FUT8: variants seen among roughly 807,000 people sequenced by gnomAD.
FUT8 encodes alpha-(1,6)-fucosyltransferase.
A neutral mutation model predicts 71.3 loss-of-function variants in FUT8; 29 were observed. The ratio of observed to expected loss-of-function variants is 0.41; its 90% CI spans 0.30 to 0.55. The LOEUF is 0.55. FUT8 is among the 20% of genes least tolerant of loss of function. The pLI, the probability that FUT8 is intolerant of heterozygous loss-of-function variation, is 0.34. For synonymous variants in FUT8, 254 were observed against 239.3 expected, an observed-to-expected ratio of 1.06 and a Z score of -0.57; for missense variants, 544 against 702.1, an observed-to-expected ratio of 0.77 and a Z score of 2.55.
rs1194050933 is a variant in FUT8, at chr14:65,652,420, T to C, written c.598-16823T>C. 8.5e-5 allele frequency among the ~76,000 whole-genome samples: 13 copies of C among 152,226 alleles called. No homozygotes were observed. The highest frequency in any genetic ancestry group is 8.5e-4 in the Admixed American group (13 of 15,286). On this transcript the variant is annotated intron_variant, in intron 6 of 10. Coordinates refer to ENST00000673929, the MANE Select transcript of FUT8 (RefSeq NM_001371533.1). This position sits in a 1 kb window ranked among gnomAD's most constrained non-coding sequence, Gnocchi z 4.0. ...GGAGAGCACATAAGAAAAAAACTTT[T>C]AGTGTACTTCTTCTTCTGGCCTTTG... is the stretch of plus-strand genomic sequence containing the variant.
At chr14:65,473,868 T>A (rs1272137900) in intron 2 of FUT8, among the ~76,000 whole-genome samples, 1 of 152,212 alleles carries the variant, frequency 6.6e-6, no homozygotes, top group Non-Finnish European at 1.5e-5. Context: ...ATTTGATGAT[T>A]CTGACCCTAC....
intron 5 of FUT8, 50 bp from the exon 6 acceptor site, chr14:65,629,442 A>T: frequency 8.7e-7 from 1 of 1,147,012 alleles, no homozygotes; most frequent in Non-Finnish European, 1.3e-6. Flanking sequence ...TGTGTAATCC[A>T]GTGAAGCAGT....
At chr14:65,471,775 C>T (rs1224734162) in intron 2 of FUT8, among the ~76,000 whole-genome samples, 1 of 150,604 alleles carries the variant, frequency 6.6e-6, no homozygotes, top group Non-Finnish European at 1.5e-5. Context: ...TTTTTCTTGT[C>T]GTGAGGTTGG....
At chr14:65,416,681 C>T (rs775247886) in intron 1 of FUT8, among the ~76,000 whole-genome samples, 4 of 151,208 alleles carry the variant, frequency 2.6e-5, no homozygotes, top group African/African-American at 7.3e-5. Context: ...AAGATATTTA[C>T]GACTGATTTT....
At chr14:65,719,456 G>T (rs1398614238) in intron 7 of FUT8, among the ~76,000 whole-genome samples, 3 of 151,960 alleles carry the variant, frequency 2.0e-5, no homozygotes, top group Non-Finnish European at 4.4e-5. Context: ...TTGGTCCCTG[G>T]TGCCTTATTT....
intron 3 of FUT8, among the ~76,000 whole-genome samples, chr14:65,597,382 A>G (rs1888036596): frequency 6.6e-6 from 1 of 152,168 alleles, no homozygotes; most frequent in Non-Finnish European, 1.5e-5. Context: ...TAATCCCAGC[A>G]CTTTGGGAGG....
At chr14:65,665,626 T>C (rs1291211747) in intron 6 of FUT8, among the ~76,000 whole-genome samples, 4 of 152,176 alleles carry the variant, frequency 2.6e-5, no homozygotes, top group African/African-American at 7.2e-5. Context: ...TAAAGATACA[T>C]GTATGCATAT....
At chr14:65,569,657 T>C (rs1886375506) in intron 3 of FUT8, among the ~76,000 whole-genome samples, 2 of 151,978 alleles carry the variant, frequency 1.3e-5, no homozygotes, top group Admixed American at 1.3e-4. Context: ...ACTATTATAT[T>C]TTCTCCTAAT....
chr14:65,369,266 T>A, the FUT8 span, among the ~76,000 whole-genome samples: 1 of 152,166 alleles, frequency 6.6e-6, no homozygotes, highest in African/African-American at 2.4e-5. The surrounding 1 kb of genome is among the most constrained non-coding windows in gnomAD (Gnocchi z 4.6). Context: ...ATGAAGAAAT[T>A]GTCACAAGTT....
intron 2 of FUT8, chr14:65,468,095 G>A: frequency 1.6e-6 from 1 of 633,666 alleles, no homozygotes; most frequent in Non-Finnish European, 2.9e-6. Context: ...AGCATGCTGA[G>A]TAACGTGTTT....
intron 6 of FUT8, among the ~76,000 whole-genome samples, chr14:65,653,724 G>A (rs988091667): frequency 2.6e-5 from 4 of 152,186 alleles, no homozygotes; most frequent in Non-Finnish European, 4.4e-5. Context: ...TTTGTTTTGA[G>A]CCAACATCTT....
intron 6 of FUT8, among the ~76,000 whole-genome samples, chr14:65,650,928 T>C (rs1038578255): frequency 3.3e-5 from 5 of 152,108 alleles, no homozygotes; most frequent in Non-Finnish European, 7.4e-5. Flanking sequence ...CTATGGAGAT[T>C]GTGCATGTAG....
At chr14:65,402,492 C>G in the FUT8 span, among the ~76,000 whole-genome samples, 874 of 151,584 alleles carry the variant, frequency 5.8e-3, 30 homozygotes, top group East Asian at 0.094. Context: ...CACGGTGAAA[C>G]CCCGTCTCTA....
intron 2 of FUT8, among the ~76,000 whole-genome samples, chr14:65,470,190 T>A (rs553556679): frequency 1.3e-5 from 2 of 152,322 alleles, no homozygotes; most frequent in South Asian, 4.1e-4. Flanking sequence ...CCAACCCCAC[T>A]CTGAGAACCT....
chr14:65,495,702 T>G (rs576480578), intron 2 of FUT8, among the ~76,000 whole-genome samples: 4 of 151,438 alleles, frequency 2.6e-5, no homozygotes, highest in Admixed American at 6.6e-5. Flanking sequence ...AAAACACACT[T>G]ATCATTTTTC....
chr14:65,513,076 T>A (rs1882471034), intron 2 of FUT8, among the ~76,000 whole-genome samples: 1 of 152,168 alleles, frequency 6.6e-6, no homozygotes, highest in Admixed American at 6.5e-5. Flanking sequence ...GAGAAGTGTT[T>A]CAGCTTCTTT....
At chr14:65,631,311 A>G (rs1034449717) in intron 6 of FUT8, among the ~76,000 whole-genome samples, 1 of 152,116 alleles carries the variant, frequency 6.6e-6, no homozygotes, top group South Asian at 2.1e-4. Context: ...GTTCTAAACT[A>G]TGATCTAGTG....
At chr14:65,377,537 A>C in the FUT8 span, among the ~76,000 whole-genome samples, 1 of 152,246 alleles carries the variant, frequency 6.6e-6, no homozygotes, top group African/African-American at 2.4e-5. Context: ...CAGAGTGTTC[A>C]TGGAAAGTCA....
At chr14:65,401,307 T>C in the FUT8 span, among the ~76,000 whole-genome samples, 9 of 152,148 alleles carry the variant, frequency 5.9e-5, no homozygotes, top group Non-Finnish European at 1.3e-4. Context: ...TATAGCAGGG[T>C]ACCAAAGATG....
Sources: allele counts gnomAD v4.1 joint callset (sites outside exome capture counted in the v4.1 genomes callset), GRCh38; gene constraint gnomAD v4.1.1; non-coding constraint Gnocchi (gnomAD v3.1); transcripts MANE v1.5; gene names NCBI Gene and HGNC (gene_info 2026-07-23, HGNC 2026-07-21).